ERCC6: variants seen among roughly 807,000 people sequenced by gnomAD.
ERCC6 encodes the protein ERCC excision repair 6, chromatin remodeling factor.
Under a neutral mutation model 158.7 loss-of-function variants are expected in ERCC6, and 116 were observed. The observed-to-expected ratio is 0.73, with a 90% CI of 0.63 to 0.85. The LOEUF is 0.85. Among genes scored for constraint, ERCC6 ranks in the 40% least tolerant of loss-of-function variants. ERCC6 has a pLI of 0.00. For missense variants in ERCC6, 1,698 were observed against 1,799.4 expected (o/e 0.94, Z 1.02); for synonymous variants, 678 against 659.3 (o/e 1.03, Z -0.43).
chr10:49,438,609 T>C, the ERCC6 span, among the ~76,000 whole-genome samples: 1 of 152,114 alleles, frequency 6.6e-6, no homozygotes, highest in Non-Finnish European at 1.5e-5. Flanking sequence ...TCCTCACATT[T>C]GAAAACCAAT....
intron 18 of ERCC6, among the ~76,000 whole-genome samples, chr10:49,463,165 C>G (rs4253215): frequency 0.096 from 14,652 of 152,016 alleles, 1,074 homozygotes; most frequent in East Asian, 0.39. Context: ...GGATGGGCCC[C>G]AAGTCTAAAC....
Position 49,493,003 on chromosome 10 carries a change from A to G in ERCC6, c.1821+114T>C, listed in dbSNP as rs144913450. On this transcript the variant is annotated intron_variant, in intron 8 of 20. Transcript: ENST00000355832. The stretch of plus-strand genomic sequence containing the variant: ...ATAATAATAAATTAACTTTAAATGC[A>G]GGAAAAAAAACACAGGAATATACAT... 3.2e-4 allele frequency: 348 copies of G among 1,083,934 alleles called. No homozygotes were observed. In the African/African-American group the frequency reaches 4.6e-3, roughly 14 times the overall value. The allele number at this position is 1,083,934 out of a possible 1,614,324, so 67.1% of individuals were successfully genotyped here. A position where few individuals can be genotyped will look rare whatever the true frequency, so the allele number is the denominator to read the frequency against.
At chr10:49,513,767 T>G (rs1353349242) in intron 5 of ERCC6, among the ~76,000 whole-genome samples, 1 of 152,066 alleles carries the variant, frequency 6.6e-6, no homozygotes, top group African/African-American at 2.4e-5. Context: ...GTTCCTCCCT[T>G]GACATATGGG....
chr10:49,450,436 G>A (rs555481871), downstream of ERCC6, among the ~76,000 whole-genome samples: 3 of 152,268 alleles, frequency 2.0e-5, no homozygotes, highest in South Asian at 6.2e-4. Flanking sequence ...GAAGAAATGT[G>A]GGTTTTTCTA....
In ERCC6 at chr10:49,470,451, TC is replaced by T; in HGVS notation, c.3508del (p.Glu1170ArgfsTer31). The part of the protein sequence containing the change: ...PSQAQTEAFW[E>X]NKQMENNFYK... ...AAAATTATTTTCCATTTGTTTATTC[TC>T]CCAAAAAGCTTCTGTTTGAGCCTGG... On this transcript the variant is annotated frameshift_variant, in exon 18 of 21. Coordinates refer to ENST00000355832, the MANE Select transcript of ERCC6 (RefSeq NM_000124.4). LOFTEE classifies it high-confidence loss of function. 1 of 1,614,140 alleles carries T rather than the reference TC, an allele frequency of 6.2e-7. No individual in the cohort carries two copies. Among genetic ancestry groups the T allele is most frequent in the South Asian group, 1.1e-5 (1 of 91,068 alleles).
At chr10:49,537,187 T>C (rs1450618764) in intron 1 of ERCC6, among the ~76,000 whole-genome samples, 1 of 151,644 alleles carries the variant, frequency 6.6e-6, no homozygotes, top group Non-Finnish European at 1.5e-5. Context: ...CTACTAAAAA[T>C]GCAAAAATTA....
Position 49,462,275 on chromosome 10 carries a change from T to G in ERCC6, c.3779-719A>C, listed in dbSNP as rs1231100222. 2.6e-5 allele frequency among the ~76,000 whole-genome samples: 4 copies of G among 152,124 alleles called. No homozygotes were observed. In the East Asian group the frequency reaches 7.7e-4, roughly 29 times the overall value. ...TCTCTAATCACTGAGAAAAACTTAT[T>G]TGAAATAAATGATGCTACAAACGTT... On this transcript the variant is annotated intron_variant, in intron 18 of 20. Coordinates refer to ENST00000355832, the MANE Select transcript of ERCC6 (RefSeq NM_000124.4).
the ERCC6 span, among the ~76,000 whole-genome samples, chr10:49,441,682 G>C: frequency 2.0e-5 from 3 of 152,160 alleles, no homozygotes; most frequent in Admixed American, 6.5e-5. Context: ...GGGTGCGGAC[G>C]GGAGCAGAGA....
At position 49,514,879 on chromosome 10, in the gene ERCC6, C is replaced by T. The variant is rs559758439; in HGVS notation, c.1398-8867G>A. On this transcript the variant is annotated intron_variant, in intron 5 of 20. Transcript: ENST00000355832. Reference sequence around the variant, plus strand: ...TTGAGATACTTGGTGTTTTACTTTTCTTATCTTCCTTTTTATGGTCTATCT... The same window carrying T: ...TTGAGATACTTGGTGTTTTACTTTTTTTATCTTCCTTTTTATGGTCTATCT... 3.3e-5 allele frequency among the ~76,000 whole-genome samples: 5 copies of T among 152,214 alleles called. 1 individual carries two copies. The South Asian group carries it at 8.3e-4, about 25-fold the overall frequency.
At chr10:49,535,972 C>T (rs2132645552) in intron 1 of ERCC6, among the ~76,000 whole-genome samples, 1 of 152,208 alleles carries the variant, frequency 6.6e-6, no homozygotes, top group East Asian at 1.9e-4. Flanking sequence ...AAAAATTAGC[C>T]AGGCGTGGTG....
intron 7 of ERCC6, among the ~76,000 whole-genome samples, chr10:49,500,106 A>T (rs1851332101): frequency 6.6e-6 from 1 of 152,222 alleles, no homozygotes; most frequent in African/African-American, 2.4e-5. Context: ...ACTTACTGTA[A>T]TGCTCACCTG....
At chr10:49,477,621 G>A (rs1457946022) in intron 11 of ERCC6, among the ~76,000 whole-genome samples, 1 of 152,014 alleles carries the variant, frequency 6.6e-6, no homozygotes, top group Non-Finnish European at 1.5e-5. Context: ...TTCTGTTCAT[G>A]CACCTGTCTG....
At chr10:49,537,991 C>T (rs1023891132) in intron 1 of ERCC6, among the ~76,000 whole-genome samples, 1 of 152,190 alleles carries the variant, frequency 6.6e-6, no homozygotes, top group African/African-American at 2.4e-5. Context: ...CAACAACGTG[C>T]GTAACTTTTA....
At chr10:49,490,917 G>A (rs1417960146) in intron 8 of ERCC6, among the ~76,000 whole-genome samples, 2 of 152,182 alleles carry the variant, frequency 1.3e-5, no homozygotes, top group African/African-American at 4.8e-5. Flanking sequence ...AAGGAAGTCA[G>A]GCATTAGACG....
At chr10:49,536,409 C>T (rs1427384919) in intron 1 of ERCC6, among the ~76,000 whole-genome samples, 2 of 151,998 alleles carry the variant, frequency 1.3e-5, no homozygotes, top group African/African-American at 4.8e-5. Flanking sequence ...AGTGGAAGGT[C>T]GCAAGCAGAA....
At chr10:49,488,662 GTTT>G (rs1186002051) in intron 8 of ERCC6, among the ~76,000 whole-genome samples, 1 of 143,900 alleles carries the variant, frequency 6.9e-6, no homozygotes, top group African/African-American at 2.6e-5. Flanking sequence ...TTTTTTTAAA[GTTT>G]TTTACTCCCT....
At chr10:49,477,814 T>C (rs1850905697) in intron 11 of ERCC6, among the ~76,000 whole-genome samples, 1 of 152,216 alleles carries the variant, frequency 6.6e-6, no homozygotes, top group Non-Finnish European at 1.5e-5. Flanking sequence ...TTTAGGCCTC[T>C]GCTCAGGTGT....
intron 7 of ERCC6, among the ~76,000 whole-genome samples, chr10:49,499,966 C>A (rs1351127860): frequency 6.6e-6 from 1 of 152,018 alleles, no homozygotes; most frequent in Non-Finnish European, 1.5e-5. Context: ...AGGGATCAGA[C>A]AAGTAACTTC....
At chr10:49,512,977 G>A (rs1272405941) in intron 5 of ERCC6, among the ~76,000 whole-genome samples, 1 of 152,168 alleles carries the variant, frequency 6.6e-6, no homozygotes, top group Non-Finnish European at 1.5e-5. Flanking sequence ...TCATACGTAT[G>A]AGTATTCATT....
Sources: gnomAD v4.1 joint callset for allele counts (sites outside exome capture counted in the v4.1 genomes callset) on GRCh38, gnomAD v4.1.1 for gene constraint, MANE v1.5 for transcripts, NCBI Gene and HGNC (gene_info 2026-07-23, HGNC 2026-07-21) for gene names.